ALK: variants seen among roughly 807,000 people sequenced by gnomAD.
ALK encodes ALK tyrosine kinase receptor.
In ALK, 74 loss-of-function variants were observed where a neutral mutation model predicts 163.1. The ratio of observed to expected loss-of-function variants is 0.45; its 90% CI spans 0.38 to 0.55. ALK has a LOEUF of 0.55. Among genes scored for constraint, ALK ranks in the 20% least tolerant of loss-of-function variants. The pLI is 0.00. For synonymous variants in ALK, 960 were observed against 843.2 expected, an observed-to-expected ratio of 1.14 and a Z score of -2.40; for missense variants, 2,063 against 2,105.3, an observed-to-expected ratio of 0.98 and a Z score of 0.39.
chr2:29,739,080 A>T (rs538954357), intron 1 of ALK, among the ~76,000 whole-genome samples: 4 of 151,522 alleles, frequency 2.6e-5, no homozygotes, highest in South Asian at 2.1e-4. Context: ...CTTCAAAAAA[A>T]TTTTTTAAAA....
chr2:29,619,336 GC>G (rs1490936839), intron 3 of ALK, among the ~76,000 whole-genome samples: 1 of 152,226 alleles, frequency 6.6e-6, no homozygotes, highest in Non-Finnish European at 1.5e-5. Flanking sequence ...TATCATTGGT[GC>G]TTTCACGGAG....
chr2:29,778,080 C>G (rs543729435), intron 1 of ALK, among the ~76,000 whole-genome samples: 1 of 152,300 alleles, frequency 6.6e-6, no homozygotes, highest in African/African-American at 2.4e-5. Flanking sequence ...ATTACTACAG[C>G]GGGTCTTCAA....
chr2:29,678,658 A>G (rs1677966416), intron 3 of ALK, among the ~76,000 whole-genome samples: 1 of 151,330 alleles, frequency 6.6e-6, no homozygotes. Flanking sequence ...TGAAGGATAT[A>G]CTTTTTAAAT....
intron 4 of ALK, among the ~76,000 whole-genome samples, chr2:29,491,321 G>A (rs182657363): frequency 4.4e-4 from 67 of 151,974 alleles, no homozygotes; most frequent in African/African-American, 1.5e-3. Context: ...CCTAGAACAG[G>A]GCCGAGTTCA....
At chr2:29,443,347 C>G (rs1670592050) in intron 4 of ALK, among the ~76,000 whole-genome samples, 1 of 152,176 alleles carries the variant, frequency 6.6e-6, no homozygotes. Context: ...GGCAAAGAGC[C>G]AGAAAATTAG....
chr2:29,665,906 AGAAGTAAT>A (rs1677499298), intron 3 of ALK, among the ~76,000 whole-genome samples: 1 of 152,068 alleles, frequency 6.6e-6, no homozygotes, highest in Non-Finnish European at 1.5e-5. Flanking sequence ...CTTGTTCCTG[AGAAGTAAT>A]GAAATAATTA....
chr2:29,499,579 C>A (rs1672115567), intron 4 of ALK, among the ~76,000 whole-genome samples: 1 of 152,156 alleles, frequency 6.6e-6, no homozygotes, highest in African/African-American at 2.4e-5. Flanking sequence ...ACACATCTCC[C>A]TGGTTCCACT....
chr2:29,464,155 T>C (rs1043497762), intron 4 of ALK, among the ~76,000 whole-genome samples: 2 of 152,136 alleles, frequency 1.3e-5, no homozygotes, highest in African/African-American at 4.8e-5. Context: ...ATGTCTAGTA[T>C]CTAACCAAAA....
intron 5 of ALK, among the ~76,000 whole-genome samples, chr2:29,375,575 C>T (rs527257092): frequency 6.7e-4 from 102 of 152,242 alleles, no homozygotes; most frequent in Non-Finnish European, 1.1e-3. Context: ...CCTCGGCCTC[C>T]CAAAGTGCTG....
chr2:29,702,914 T>G (rs1304561414), intron 2 of ALK, among the ~76,000 whole-genome samples: 7 of 152,184 alleles, frequency 4.6e-5, no homozygotes, highest in African/African-American at 9.7e-5. Flanking sequence ...ATTCAAGATG[T>G]GATTTGTGTG....
At position 29,460,085 on chromosome 2, in the gene ALK, G is replaced by C. The variant is rs142853599; in HGVS notation, c.1154+71830C>G. Reference sequence around the variant, plus strand: ...CTGGAGCCTTGCTCCACAGTGAAGAGGTTTTAGTGACTACCTTGCAGTAGG... The same window carrying C: ...CTGGAGCCTTGCTCCACAGTGAAGACGTTTTAGTGACTACCTTGCAGTAGG... On this transcript the variant is annotated intron_variant, in intron 4 of 28. Coordinates refer to ENST00000389048, the MANE Select transcript of ALK (RefSeq NM_004304.5). Among the ~76,000 whole-genome samples, 340 of 152,262 alleles carry C rather than the reference G, an allele frequency of 2.2e-3. 3 individuals carry two copies. Among genetic ancestry groups the C allele is most frequent in the African/African-American group, 7.7e-3 (322 of 41,562 alleles).
At chr2:29,367,677 C>T (rs945010808) in intron 5 of ALK, among the ~76,000 whole-genome samples, 11 of 152,156 alleles carry the variant, frequency 7.2e-5, no homozygotes, top group Non-Finnish European at 1.3e-4. Context: ...TGGCAGTGCT[C>T]GGGACCTAGG....
intron 3 of ALK, among the ~76,000 whole-genome samples, chr2:29,563,571 T>C (rs1558385799): frequency 6.6e-6 from 1 of 152,226 alleles, no homozygotes; most frequent in Non-Finnish European, 1.5e-5. Flanking sequence ...GAGGAATTTA[T>C]GGTTTTGTAA....
In ALK at chr2:29,346,767, A is replaced by G. The variant is rs527911237; in HGVS notation, c.1283-18286T>C. On this transcript the variant is annotated intron_variant, in intron 5 of 28. Coordinates refer to ENST00000389048, the MANE Select transcript of ALK (RefSeq NM_004304.5). ...AAACTGTAGATTATTCACTGCGTCC[A>G]TTTCACTGGCTGAACCAGGAAGCAA... 2.0e-5 allele frequency among the ~76,000 whole-genome samples: 3 copies of G among 152,322 alleles called. No individual in the cohort carries two copies. In the East Asian group the frequency reaches 5.8e-4, roughly 29 times the overall value.
At chr2:29,495,047 T>C (rs1003969576) in intron 4 of ALK, among the ~76,000 whole-genome samples, 11 of 152,102 alleles carry the variant, frequency 7.2e-5, no homozygotes, top group African/African-American at 2.7e-4. Flanking sequence ...TGTTCTCTAC[T>C]CAAAAAAATA....
chr2:29,835,693 C>T (rs78437791), intron 1 of ALK, among the ~76,000 whole-genome samples: 1,685 of 152,252 alleles, frequency 0.011, 39 homozygotes, highest in African/African-American at 0.038. Context: ...TGATGGGACA[C>T]AATTGAATCA....
chr2:29,902,538 G>A (rs932828620), intron 1 of ALK, among the ~76,000 whole-genome samples: 2 of 152,136 alleles, frequency 1.3e-5, no homozygotes, highest in African/African-American at 2.4e-5. Flanking sequence ...CCTGCTGCAA[G>A]AAAGTCAAAC....
Position 29,227,181 on chromosome 2 carries a change from T to C in ALK, c.2915-107A>G. 3.5e-6 allele frequency: 5 copies of C among 1,443,364 alleles called. No homozygotes were observed. Among genetic ancestry groups the C allele is most frequent in the Non-Finnish European group, 3.9e-6 (4 of 1,029,944 alleles). 89.4% of individuals were successfully genotyped at this position (1,443,364 alleles called of 1,614,324 possible). A position where few individuals can be genotyped will look rare whatever the true frequency, so the allele number is the denominator to read the frequency against. ...ACTGTGGGTGCTCTGGTGGTCCCTG[T>C]TCCTAGGTCCCATAGCCACTGGAAG... On this transcript the variant is annotated intron_variant, in intron 17 of 28. Coordinates refer to ENST00000389048, the MANE Select transcript of ALK (RefSeq NM_004304.5). This position sits in a 1 kb window ranked among gnomAD's most constrained non-coding sequence, Gnocchi z 4.4.
At chr2:29,634,096 A>T (rs1676455623) in intron 3 of ALK, among the ~76,000 whole-genome samples, 1 of 147,958 alleles carries the variant, frequency 6.8e-6, no homozygotes, top group South Asian at 2.2e-4. Flanking sequence ...CTGGCTATTC[A>T]TGAAAGGATG....
Sources: allele counts gnomAD v4.1 joint callset (sites outside exome capture counted in the v4.1 genomes callset), GRCh38; gene constraint gnomAD v4.1.1; non-coding constraint Gnocchi (gnomAD v3.1); transcripts MANE v1.5; gene names NCBI Gene and HGNC (gene_info 2026-07-23, HGNC 2026-07-21).